The following DNAJC3 variants were observed in gnomAD, a reference collection of about 807,000 sequenced individuals.
DNAJC3 encodes DnaJ heat shock protein family (Hsp40) member C3, also known as dnaJ homolog subfamily C member 3.
In DNAJC3, 38 loss-of-function variants were observed where a neutral mutation model predicts 68.6. That is an observed-to-expected ratio of 0.55 (90% CI 0.43 to 0.73). The LOEUF is 0.73. DNAJC3 is among the 30% of genes least tolerant of loss of function. The pLI is 0.00. For missense variants in DNAJC3, 526 were observed against 591.9 expected (o/e 0.89, Z 1.16); for synonymous variants, 203 against 204.0 (o/e 1.00, Z 0.04).
chr13:95,738,399 A>G (rs1474332642), intron 4 of DNAJC3, among the ~76,000 whole-genome samples: 1 of 148,540 alleles, frequency 6.7e-6, no homozygotes, highest in Non-Finnish European at 1.5e-5. Context: ...TGTCTCGTTG[A>G]TCTGTCTAAT....
chr13:95,770,503 G>A (rs958697434), intron 9 of DNAJC3, among the ~76,000 whole-genome samples: 2 of 152,142 alleles, frequency 1.3e-5, no homozygotes, highest in Non-Finnish European at 2.9e-5. Context: ...TGTTAACAGT[G>A]CCTCATATGT....
intron 1 of DNAJC3, among the ~76,000 whole-genome samples, chr13:95,682,926 C>T (rs1031776130): frequency 6.6e-6 from 1 of 151,856 alleles, no homozygotes; most frequent in African/African-American, 2.4e-5. Flanking sequence ...TATTGCATAC[C>T]CACTATGTGC....
At chr13:95,748,316 A>G (rs1882370418) in intron 4 of DNAJC3, among the ~76,000 whole-genome samples, 1 of 152,184 alleles carries the variant, frequency 6.6e-6, no homozygotes, top group Non-Finnish European at 1.5e-5. Context: ...TTGCAATTTA[A>G]TTTTTAAATC....
chr13:95,750,021 G>C (rs1882424492), intron 4 of DNAJC3, among the ~76,000 whole-genome samples: 1 of 151,926 alleles, frequency 6.6e-6, no homozygotes, highest in East Asian at 2.0e-4. Context: ...TTTAAAGATA[G>C]CACTTTATGC....
chr13:95,737,381 G>C (rs1329220190), intron 4 of DNAJC3, among the ~76,000 whole-genome samples: 1 of 151,984 alleles, frequency 6.6e-6, no homozygotes, highest in African/African-American at 2.4e-5. Flanking sequence ...GATTGGAATA[G>C]TTTCAGAAGG....
intron 4 of DNAJC3, among the ~76,000 whole-genome samples, chr13:95,740,520 G>A (rs1324756383): frequency 1.3e-5 from 2 of 151,954 alleles, no homozygotes; most frequent in African/African-American, 2.4e-5. Context: ...GTGGTGCGCC[G>A]TTTTTTAAGC....
intron 1 of DNAJC3, chr13:95,692,424 G>C (rs763925341): frequency 5.3e-5 from 8 of 152,164 alleles, no homozygotes; most frequent in Non-Finnish European, 1.2e-4. Flanking sequence ...CTTAGGTCTA[G>C]TAGTAGGAGT....
At chr13:95,780,207 C>T (rs1485013434) in intron 9 of DNAJC3, among the ~76,000 whole-genome samples, 1 of 152,170 alleles carries the variant, frequency 6.6e-6, no homozygotes, top group African/African-American at 2.4e-5. Context: ...CCCCACTTGC[C>T]CCTGTACCCC....
At chr13:95,684,203 G>A (rs1489057365) in intron 1 of DNAJC3, among the ~76,000 whole-genome samples, 1 of 152,164 alleles carries the variant, frequency 6.6e-6, no homozygotes, top group Non-Finnish European at 1.5e-5. Flanking sequence ...TATAGACAGT[G>A]AAGTTCAGGC....
At chr13:95,764,724 A>ATATATATATACATATATAATACATG (rs1441576376) in intron 9 of DNAJC3, among the ~76,000 whole-genome samples, 67 of 130,136 alleles carry the variant, frequency 5.1e-4, no homozygotes, top group Non-Finnish European at 9.0e-4. Context: ...ATATACACAT[A>ATATATATATACATATATAATACATG]TATATATATA....
At chr13:95,757,449 C>T (rs1386118709) in intron 4 of DNAJC3, among the ~76,000 whole-genome samples, 195 bp from the exon 5 acceptor site, 1 of 152,136 alleles carries the variant, frequency 6.6e-6, no homozygotes, top group African/African-American at 2.4e-5. Flanking sequence ...GTTGTTCATG[C>T]TCATGGACCA....
chr13:95,727,459 A>G (rs1174011860), intron 4 of DNAJC3, among the ~76,000 whole-genome samples: 1 of 152,078 alleles, frequency 6.6e-6, no homozygotes, highest in Non-Finnish European at 1.5e-5. Context: ...AAAGCAAACT[A>G]TTTTTTTAGC....
chr13:95,706,508 A>G (rs1384633128), intron 1 of DNAJC3, among the ~76,000 whole-genome samples: 2 of 152,182 alleles, frequency 1.3e-5, no homozygotes, highest in Non-Finnish European at 2.9e-5. Context: ...GGGTCATAGT[A>G]TATACCTGTT....
intron 1 of DNAJC3, among the ~76,000 whole-genome samples, chr13:95,688,939 T>G (rs555920209): frequency 6.7e-6 from 1 of 149,656 alleles, no homozygotes; most frequent in Admixed American, 6.6e-5. Flanking sequence ...TGTGTGTGTG[T>G]GTGTGTGTGT....
chr13:95,696,890 C>T (rs1242268885), intron 1 of DNAJC3, among the ~76,000 whole-genome samples: 5 of 152,112 alleles, frequency 3.3e-5, no homozygotes, highest in African/African-American at 4.8e-5. Context: ...GGACTACAGG[C>T]GCCCACCACC....
chr13:95,734,629 T>G (rs893541592), intron 4 of DNAJC3, among the ~76,000 whole-genome samples: 1 of 152,212 alleles, frequency 6.6e-6, no homozygotes, highest in African/African-American at 2.4e-5. Flanking sequence ...TGTGGTTTTC[T>G]CTTTACCTTC....
At chr13:95,784,927 G>A (rs1250879303) in intron 9 of DNAJC3, among the ~76,000 whole-genome samples, 6 of 152,142 alleles carry the variant, frequency 3.9e-5, no homozygotes, top group Non-Finnish European at 7.3e-5. Flanking sequence ...GTCAGCCAAA[G>A]TGACAGAGAC....
intron 1 of DNAJC3, chr13:95,695,055 A>G (rs922186672): frequency 5.3e-5 from 8 of 152,264 alleles, no homozygotes; most frequent in South Asian, 2.1e-4. Context: ...ATCTTGTTCA[A>G]TGAATCTGAG....
rs1452602917 is a variant in DNAJC3 at position 95,792,544 on chromosome 13, C to T, written c.*1514C>T. On this transcript the variant is annotated 3_prime_UTR_variant, in exon 12 of 12. Coordinates refer to ENST00000602402, the MANE Select transcript of DNAJC3 (RefSeq NM_006260.5). ...ATAACAGCAAAGCACAAATCGTTTT[C>T]GTCTGTAGTCATATCCTGAAACATA... The T allele has an allele frequency of 6.6e-6, 1 of 152,146 alleles. No individual in the cohort carries two copies. Among genetic ancestry groups the T allele is most frequent in the Non-Finnish European group, 1.5e-5 (1 of 68,024 alleles). The allele number at this position is 152,146 out of a possible 1,614,324, so 9.4% of individuals were successfully genotyped here. A position where few individuals can be genotyped will look rare whatever the true frequency, so the allele number is the denominator to read the frequency against.
Sources: allele counts gnomAD v4.1 joint callset (sites outside exome capture counted in the v4.1 genomes callset), GRCh38; gene constraint gnomAD v4.1.1; transcripts MANE v1.5; gene names NCBI Gene and HGNC (gene_info 2026-07-23, HGNC 2026-07-21).